The following PAPLN variants were observed in gnomAD, a reference collection of about 807,000 sequenced individuals.
The protein encoded by PAPLN is papilin.
In PAPLN, 146 loss-of-function variants were observed where a neutral mutation model predicts 159.0. That is an observed-to-expected ratio of 0.92 (90% CI 0.80 to 1.05). The LOEUF (loss-of-function observed/expected upper bound fraction) is 1.05. PAPLN is among the 50% of genes least tolerant of loss of function. The pLI, the probability that PAPLN is intolerant of heterozygous loss-of-function variation, is 0.00. For synonymous variants in PAPLN, 734 were observed against 702.9 expected, an observed-to-expected ratio of 1.04 and a Z score of -0.70; for missense variants, 1,720 against 1,743.9, an observed-to-expected ratio of 0.99 and a Z score of 0.24.
rs1165295248 is a variant in PAPLN, at chr14:73,245,740, C to T, written c.231+44C>T. 2.0e-6 allele frequency: 3 copies of T among 1,532,614 alleles called. No homozygotes were observed. The highest frequency in any genetic ancestry group is 1.7e-4 in the Middle Eastern group (1 of 5,754). 94.9% of individuals were successfully genotyped at this position (1,532,614 alleles called of 1,614,324 possible). On this transcript the variant is annotated intron_variant, in intron 4 of 26. Coordinates refer to ENST00000644200, the MANE Select transcript of PAPLN (RefSeq NM_001365906.3). The surrounding 1 kb of genome is among the most constrained non-coding windows in gnomAD (Gnocchi z 4.2). ...GGGCGAAGGCACCAGCTTCCCCAGCCCCTCCTGGCCGATTTCCCCATTGGG... is the reference window on the plus strand; with the variant it reads ...GGGCGAAGGCACCAGCTTCCCCAGCTCCTCCTGGCCGATTTCCCCATTGGG...
chr14:73,244,930 C>T (rs973583654), intron 3 of PAPLN, 171 bp downstream of exon 3: 2 of 564,294 alleles, frequency 3.5e-6, no homozygotes, highest in Non-Finnish European at 3.1e-6. Flanking sequence ...GAAATCAAAC[C>T]ATTTCCCAGG....
intron 14 of PAPLN, 42 bp from the exon 15 acceptor site, chr14:73,258,937 T>C (rs531786130): frequency 6.4e-7 from 1 of 1,555,942 alleles, no homozygotes; most frequent in South Asian, 1.2e-5. Context: ...CATCCTCTCT[T>C]CCTCCCTCTC....
At chr14:73,252,619 T>A in intron 10 of PAPLN, 30 bp from the exon 11 acceptor site, 1 of 1,606,928 alleles carries the variant, frequency 6.2e-7, no homozygotes, top group Non-Finnish European at 8.5e-7. Flanking sequence ...TTGACTGGCG[T>A]CTGCCCGCCA....
rs372097380 is a variant in PAPLN at position 73,266,576 on chromosome 14, C to T, written c.3339C>T (p.Val1113=). The change falls in exon 24 of 27, where the codon GTC becomes GTT. Residue 1113 remains valine (V), a synonymous_variant. Coordinates refer to ENST00000644200, the MANE Select transcript of PAPLN (RefSeq NM_001365906.3). ...AVEDGGFYTC[V]AFNGQDRDQR... The stretch of plus-strand genomic sequence containing the variant: ...AAGATGGCGGCTTCTACACCTGTGT[C>T]GCTTTCAATGGGCAGGACCGAGACC... 21 of 1,614,162 alleles carry T rather than the reference C, an allele frequency of 1.3e-5. No individual in the cohort carries two copies. The highest frequency in any genetic ancestry group is 4.4e-5 in the South Asian group (4 of 91,070).
chr14:73,257,195 C>A (rs932074201), intron 14 of PAPLN, among the ~76,000 whole-genome samples: 1 of 152,142 alleles, frequency 6.6e-6, no homozygotes, highest in Admixed American at 6.5e-5. Flanking sequence ...CGGTCTTCAT[C>A]TCCTGGGCTC....
chr14:73,250,264 C>A, intron 6 of PAPLN, 150 bp downstream of exon 6: 1 of 1,104,756 alleles, frequency 9.1e-7, no homozygotes, highest in Non-Finnish European at 1.2e-6. Flanking sequence ...TCCTAGGGTA[C>A]CTTGCAGGCA....
At chr14:73,239,612 C>T in intron 1 of PAPLN, 161 bp from the exon 2 acceptor site, 1 of 1,342,580 alleles carries the variant, frequency 7.4e-7, no homozygotes, top group Non-Finnish European at 9.6e-7. Flanking sequence ...GGCGCCCTCA[C>T]GCTGTGTTCT....
At position 73,265,059 on chromosome 14, in the gene PAPLN, A is replaced by AG. The variant is rs912131565; in HGVS notation, c.3126-306dup. 1.4e-5 allele frequency among the ~76,000 whole-genome samples: 2 copies of AG among 146,330 alleles called. No homozygotes were observed. Among genetic ancestry groups the AG allele is most frequent in the African/African-American group, 2.6e-5 (1 of 38,498 alleles). On this transcript the variant is annotated intron_variant, in intron 22 of 26. Transcript: ENST00000644200. The surrounding 1 kb of genome is among the most constrained non-coding windows in gnomAD (Gnocchi z 4.1). ...TTACAGAGGGGGTGTGGAGGACCGG[A>AG]GGGGGTGCCCAACTCAAAGACCTAG... is the stretch of plus-strand genomic sequence containing the variant.
At chr14:73,238,728 T>G (rs1200712005) in intron 1 of PAPLN, among the ~76,000 whole-genome samples, 4 of 152,204 alleles carry the variant, frequency 2.6e-5, no homozygotes, top group African/African-American at 9.6e-5. Context: ...AATGACTCAA[T>G]GACTCACTGT....
intron 26 of PAPLN, 22 bp downstream of exon 26, chr14:73,268,745 G>A: frequency 6.3e-7 from 1 of 1,579,568 alleles, no homozygotes; most frequent in Non-Finnish European, 8.6e-7. Context: ...CTATATCCGG[G>A]GATGGGAAGG....
chr14:73,256,489 G>A (rs555017806), intron 14 of PAPLN, among the ~76,000 whole-genome samples: 3 of 130,528 alleles, frequency 2.3e-5, no homozygotes, highest in South Asian at 2.5e-4. Flanking sequence ...CCGAGATCAC[G>A]CCATTGAACT....
chr14:73,264,104 G>T, intron 20 of PAPLN, 107 bp from the exon 21 acceptor site: 1 of 1,589,806 alleles, frequency 6.3e-7, no homozygotes, highest in Non-Finnish European at 8.5e-7. Flanking sequence ...GTGGGAGGGT[G>T]CTCTGTAGAC....
intron 26 of PAPLN, among the ~76,000 whole-genome samples, chr14:73,270,068 C>T (rs1381125123): frequency 2.0e-5 from 3 of 152,226 alleles, no homozygotes; most frequent in Non-Finnish European, 4.4e-5. Flanking sequence ...TGTTGTCCAG[C>T]GGCTTTTTTC....
intron 3 of PAPLN, chr14:73,244,965 G>A (rs2280794): frequency 6.4e-6 from 3 of 468,392 alleles, no homozygotes; most frequent in Admixed American, 3.9e-5. Flanking sequence ...GCTGGAGCAC[G>A]CGTGCTGCCT....
intron 5 of PAPLN, among the ~76,000 whole-genome samples, chr14:73,246,627 C>T: frequency 6.9e-6 from 1 of 145,648 alleles, no homozygotes; most frequent in African/African-American, 2.5e-5. Context: ...TTTTTCTTTT[C>T]CTTTTTCTTT....
At chr14:73,270,944 C>A (rs531961187) in intron 26 of PAPLN, among the ~76,000 whole-genome samples, 11 of 152,270 alleles carry the variant, frequency 7.2e-5, no homozygotes, top group Non-Finnish European at 1.5e-4. Context: ...GGGTAGGAGG[C>A]CTTGGGGTGG....
chr14:73,247,838 G>GTA, intron 5 of PAPLN, among the ~76,000 whole-genome samples: 1 of 139,298 alleles, frequency 7.2e-6, no homozygotes, highest in Non-Finnish European at 1.5e-5. Context: ...GTGTGTGTGT[G>GTA]TGGTGGCGAT....
chr14:73,240,016 G>T (rs1883369405), intron 2 of PAPLN, among the ~76,000 whole-genome samples, 184 bp downstream of exon 2: 1 of 151,740 alleles, frequency 6.6e-6, no homozygotes, highest in Non-Finnish European at 1.5e-5. Flanking sequence ...AGCTGGCCAG[G>T]GTTCCCAGAA....
chr14:73,236,961 G>C (rs577719611), upstream of PAPLN, among the ~76,000 whole-genome samples: 1 of 151,338 alleles, frequency 6.6e-6, no homozygotes, highest in East Asian at 1.9e-4. Context: ...TAGAAAGAAA[G>C]AAAAGAGGAA....
Sources: allele counts gnomAD v4.1 joint callset (sites outside exome capture counted in the v4.1 genomes callset), GRCh38; gene constraint gnomAD v4.1.1; non-coding constraint Gnocchi (gnomAD v3.1); transcripts MANE v1.5; gene names NCBI Gene and HGNC (gene_info 2026-07-23, HGNC 2026-07-21).